The following PSMA1 variants were observed in gnomAD, a reference collection of about 807,000 sequenced individuals.
PSMA1 encodes the protein proteasome subunit alpha type-1.
Under a neutral mutation model 38.4 loss-of-function variants are expected in PSMA1, and 3 were observed. The observed-to-expected ratio is 0.08, with a 90% CI of 0.04 to 0.20. The LOEUF is 0.20. Among genes scored for constraint, PSMA1 ranks in the 10% least tolerant of loss-of-function variants. PSMA1 has a pLI of 1.00. For synonymous variants in PSMA1, 101 were observed against 107.1 expected (o/e 0.94, Z 0.35); for missense variants, 227 against 325.3 (o/e 0.70, Z 2.32).
chr11:14,563,520 T>C (rs1485336311), intron 2 of PSMA1, among the ~76,000 whole-genome samples: 1 of 152,226 alleles, frequency 6.6e-6, no homozygotes, highest in Non-Finnish European at 1.5e-5. Context: ...CTTTGGGAGC[T>C]ATTGGTTTCT....
intron 2 of PSMA1, among the ~76,000 whole-genome samples, chr11:14,578,569 A>G (rs908638638): frequency 2.0e-5 from 3 of 152,258 alleles, no homozygotes; most frequent in Non-Finnish European, 4.4e-5. Flanking sequence ...GGCTTCTACT[A>G]TAAGAAGAAA....
At chr11:14,536,393 G>T (rs557711833) in intron 2 of PSMA1, among the ~76,000 whole-genome samples, 1 of 151,896 alleles carries the variant, frequency 6.6e-6, no homozygotes, top group East Asian at 2.0e-4. Context: ...CGGGCTTGGT[G>T]GTGAGCGCCT....
At chr11:14,605,774 T>C (rs532104273) in intron 2 of PSMA1, among the ~76,000 whole-genome samples, 1 of 152,238 alleles carries the variant, frequency 6.6e-6, no homozygotes, top group African/African-American at 2.4e-5. Context: ...CAGACTTCTA[T>C]TGGATGCATA....
At chr11:14,507,185 T>C (rs1336174117) in intron 9 of PSMA1, among the ~76,000 whole-genome samples, 1 of 151,976 alleles carries the variant, frequency 6.6e-6, no homozygotes, top group East Asian at 1.9e-4. Flanking sequence ...TTTTTTTTTT[T>C]TGAGACAGAG....
chr11:14,546,605 T>C (rs747794348), intron 2 of PSMA1, among the ~76,000 whole-genome samples: 7 of 152,014 alleles, frequency 4.6e-5, no homozygotes, highest in Non-Finnish European at 7.4e-5. Flanking sequence ...GCCCGGCTAA[T>C]TTTCGTATTT....
intron 2 of PSMA1, among the ~76,000 whole-genome samples, chr11:14,558,856 C>T (rs905050026): frequency 2.0e-5 from 3 of 152,264 alleles, no homozygotes; most frequent in African/African-American, 7.2e-5. Flanking sequence ...CATTACTACA[C>T]GAAATATAGT....
chr11:14,632,293 A>G (rs1308902344), intron 1 of PSMA1, among the ~76,000 whole-genome samples: 3 of 149,930 alleles, frequency 2.0e-5, no homozygotes, highest in Admixed American at 2.0e-4. Flanking sequence ...ATGATTTTGC[A>G]GTGGCTGGTA....
chr11:14,562,676 G>A (rs2134173868), intron 2 of PSMA1, among the ~76,000 whole-genome samples: 1 of 151,054 alleles, frequency 6.6e-6, no homozygotes, highest in South Asian at 2.1e-4. Flanking sequence ...CCAGGCTGGA[G>A]TGCAGGGGCA....
At chr11:14,521,491 CAA>C (rs60366805), upstream of PSMA1, among the ~76,000 whole-genome samples, 5 of 132,534 alleles carry the variant, frequency 3.8e-5, no homozygotes, top group Admixed American at 7.4e-5. Context: ...GATTCTGTTT[CAA>C]AAAAAAAAAA....
intron 2 of PSMA1, 120 bp from the exon 3 acceptor site, chr11:14,518,101 A>G: frequency 1.4e-6 from 1 of 723,860 alleles, no homozygotes; most frequent in Non-Finnish European, 2.2e-6. Flanking sequence ...TTTAATCAAG[A>G]GACCTTTTTT....
intron 2 of PSMA1, among the ~76,000 whole-genome samples, chr11:14,540,080 T>G (rs1851756390): frequency 6.6e-6 from 1 of 152,194 alleles, no homozygotes; most frequent in Non-Finnish European, 1.5e-5. Context: ...GGCACAGGGT[T>G]TCCATTTGTG....
chr11:14,569,365 G>A lies in PSMA1; in HGVS notation c.21+41601C>T, dbSNP rs145525404. Among the ~76,000 whole-genome samples, 936 of 152,186 alleles carry A rather than the reference G, an allele frequency of 6.2e-3. 9 individuals are homozygous for A. The highest frequency in any genetic ancestry group is 0.01 in the Middle Eastern group (3 of 294). Reference sequence around the variant, plus strand: ...CCAGGTTCATCCACTGGGGCTTGTCGGACAGTGAGTGCAGCCCACAGAGCA... The same window carrying A: ...CCAGGTTCATCCACTGGGGCTTGTCAGACAGTGAGTGCAGCCCACAGAGCA... On this transcript the variant is annotated intron_variant, in intron 2 of 10. Transcript: ENST00000418988.
intron 2 of PSMA1, among the ~76,000 whole-genome samples, chr11:14,533,591 T>C (rs903512183): frequency 6.6e-6 from 1 of 151,894 alleles, no homozygotes; most frequent in Non-Finnish European, 1.5e-5. Flanking sequence ...TTTTCTTTTT[T>C]TTTTTTAATA....
At chr11:14,567,208 C>T (rs563756444) in intron 2 of PSMA1, among the ~76,000 whole-genome samples, 8 of 152,286 alleles carry the variant, frequency 5.3e-5, no homozygotes, top group Admixed American at 3.3e-4. Flanking sequence ...GCAGGGTGGC[C>T]TAGCTATGCT....
intron 2 of PSMA1, among the ~76,000 whole-genome samples, chr11:14,546,610 G>A (rs911570821): frequency 8.6e-5 from 13 of 151,964 alleles, no homozygotes; most frequent in Non-Finnish European, 1.0e-4. Flanking sequence ...GCTAATTTTC[G>A]TATTTTTAGT....
chr11:14,592,208 G>C (rs371417207), intron 2 of PSMA1, among the ~76,000 whole-genome samples: 1 of 151,982 alleles, frequency 6.6e-6, no homozygotes, highest in Non-Finnish European at 1.5e-5. Context: ...AACACTCACC[G>C]CGAGGGTCCG....
chr11:14,518,252 C>A (rs909587092), intron 2 of PSMA1, among the ~76,000 whole-genome samples: 1 of 151,984 alleles, frequency 6.6e-6, no homozygotes, highest in African/African-American at 2.4e-5. Context: ...TAGGCAAGCA[C>A]CACCACGCCC....
Position 14,504,891 on chromosome 11 carries a change from CA to C in PSMA1, c.*300del. The C allele has an allele frequency of 3.6e-6, 1 of 278,740 alleles. No individual in the cohort carries two copies. Among genetic ancestry groups the C allele is most frequent in the Non-Finnish European group, 6.7e-6 (1 of 148,636 alleles). 17.3% of individuals were successfully genotyped at this position (278,740 alleles called of 1,614,324 possible). On this transcript the variant is annotated 3_prime_UTR_variant, in exon 10 of 10. Transcript: ENST00000396394. ...AAACCCAATATACCAGGCGGTGAAA[CA>C]ATTTTATTTCACAGTTGTCTTTAAA... is the stretch of plus-strand genomic sequence containing the variant.
At chr11:14,617,887 C>T (rs1852796450) in intron 1 of PSMA1, among the ~76,000 whole-genome samples, 1 of 152,200 alleles carries the variant, frequency 6.6e-6, no homozygotes, top group Non-Finnish European at 1.5e-5. Flanking sequence ...GAGAGAAGTA[C>T]AGTGTGGAGG....
Sources: gnomAD v4.1 joint callset for allele counts (sites outside exome capture counted in the v4.1 genomes callset) on GRCh38, gnomAD v4.1.1 for gene constraint, MANE v1.5 for transcripts, NCBI Gene and HGNC (gene_info 2026-07-23, HGNC 2026-07-21) for gene names.